Variants in UPP2 observed in about 807,000 individuals in gnomAD.
UPP2 encodes the protein uridine phosphorylase 2, also known as UPase 2.
In UPP2, 23 loss-of-function variants were observed where a neutral mutation model predicts 26.7. The ratio of observed to expected loss-of-function variants is 0.86; its 90% CI spans 0.62 to 1.22. The LOEUF (loss-of-function observed/expected upper bound fraction) is 1.22, where lower values mean the gene tolerates loss of function less well. UPP2 is among the 50% of genes most tolerant of loss of function. The probability of loss-of-function intolerance (pLI) is 0.00; values close to 1 mark genes in which losing one functional copy is unlikely to be tolerated. For synonymous variants in UPP2, 127 were observed against 141.3 expected (o/e 0.90, Z 0.72); for missense variants, 387 against 396.7 (o/e 0.98, Z 0.21).
At chr2:158,095,817 G>T (rs1180479893) in intron 3 of UPP2, among the ~76,000 whole-genome samples, 1 of 151,586 alleles carries the variant, frequency 6.6e-6, no homozygotes, top group Non-Finnish European at 1.5e-5. Flanking sequence ...TTATCCTTCA[G>T]ATTTCTATTC....
intron 3 of UPP2, among the ~76,000 whole-genome samples, chr2:158,031,425 A>T (rs1232956936): frequency 6.6e-6 from 1 of 152,198 alleles, no homozygotes; most frequent in African/African-American, 2.4e-5. Context: ...GGTTTTCTTC[A>T]TACATTTGAT....
chr2:158,065,585 A>G (rs950990976), intron 3 of UPP2: 2 of 557,116 alleles, frequency 3.6e-6, no homozygotes, highest in Admixed American at 4.4e-5. Flanking sequence ...GAAGTCACAT[A>G]CAAGAACATG....
At chr2:158,121,897 C>T (rs1397744250) in intron 5 of UPP2, among the ~76,000 whole-genome samples, 1 of 151,926 alleles carries the variant, frequency 6.6e-6, no homozygotes, top group Non-Finnish European at 1.5e-5. Context: ...TCTGTTTATG[C>T]CTTTAACTTA....
intron 3 of UPP2, among the ~76,000 whole-genome samples, chr2:158,079,347 T>C (rs1174600444): frequency 6.6e-6 from 1 of 152,108 alleles, no homozygotes; most frequent in African/African-American, 2.4e-5. Flanking sequence ...GATATCCAAA[T>C]TATAAGAATT....
chr2:158,111,365 C>T (rs931952253), intron 2 of UPP2, among the ~76,000 whole-genome samples: 5 of 152,040 alleles, frequency 3.3e-5, no homozygotes, highest in Admixed American at 2.0e-4. Flanking sequence ...TGGTAATTTT[C>T]TTTGCTCTGA....
intron 3 of UPP2, among the ~76,000 whole-genome samples, chr2:158,046,406 C>T (rs1684156276): frequency 6.6e-6 from 1 of 152,170 alleles, no homozygotes; most frequent in Non-Finnish European, 1.5e-5. Context: ...CTGGCTTGCT[C>T]ATTATTTATT....
chr2:158,062,083 A>G (rs911379385), intron 3 of UPP2, among the ~76,000 whole-genome samples: 16 of 152,340 alleles, frequency 1.1e-4, no homozygotes, highest in African/African-American at 3.6e-4. Context: ...AATAATTGTG[A>G]CAGAGACTTT....
rs902551731 is a variant in UPP2, at chr2:158,058,376, C to T, written c.147+42490C>T. On this transcript the variant is annotated intron_variant, in intron 3 of 9. Transcript: ENST00000605860. Reference sequence around the variant, plus strand: ...GAGCAAGGGAGCATGCTTGTATGCTCTCTCTCTCTCTCTCTCTCTCTCTCT... The same window carrying T: ...GAGCAAGGGAGCATGCTTGTATGCTTTCTCTCTCTCTCTCTCTCTCTCTCT... Among the ~76,000 whole-genome samples the T allele has an allele frequency of 5.2e-4, 15 of 28,808 alleles. No homozygotes were observed. The African/African-American group carries it at 6.6e-3, about 13-fold the overall frequency. 18.9% of individuals were successfully genotyped at this position (28,808 alleles called of 152,430 possible). A position where few individuals can be genotyped will look rare whatever the true frequency, so the allele number is the denominator to read the frequency against.
chr2:158,016,423 C>T (rs1683660885), intron 3 of UPP2, among the ~76,000 whole-genome samples: 1 of 151,992 alleles, frequency 6.6e-6, no homozygotes, highest in African/African-American at 2.4e-5. Flanking sequence ...TCACTGCAAC[C>T]TCCACCTCCT....
intron 1 of UPP2, among the ~76,000 whole-genome samples, chr2:158,105,162 C>T (rs781620948): frequency 1.2e-4 from 18 of 152,024 alleles, no homozygotes; most frequent in Non-Finnish European, 2.2e-4. Flanking sequence ...TCACTAACAA[C>T]TCTAGTGGCA....
At chr2:158,052,108 T>C (rs946242346) in intron 3 of UPP2, among the ~76,000 whole-genome samples, 1 of 152,182 alleles carries the variant, frequency 6.6e-6, no homozygotes, top group Non-Finnish European at 1.5e-5. Flanking sequence ...CCAAATATTA[T>C]GTGGGACATA....
At chr2:158,107,318 A>C (rs1683215950) in intron 2 of UPP2, among the ~76,000 whole-genome samples, 1 of 152,114 alleles carries the variant, frequency 6.6e-6, no homozygotes. Flanking sequence ...CTACTATCTC[A>C]CTAACATCTG....
chr2:158,102,119 AT>A lies in UPP2; in HGVS notation c.57del (p.Tyr19Ter). On this transcript the variant is annotated frameshift_variant, in exon 1 of 7. Transcript: ENST00000005756. LOFTEE classifies it high-confidence loss of function. ...NRSMRSDRNT[Y>X]VGKRFVHVKN... ...TCCATGAGATCTGACAGGAATACAT[AT>A]GTTGGGTGAGTAATTTTGATTTTGT... is the stretch of plus-strand genomic sequence containing the variant. 6.2e-7 allele frequency: 1 copy of A among 1,611,968 alleles called. No individual in the cohort carries two copies.
chr2:158,097,506 C>CCT (rs1164688520), upstream of UPP2, among the ~76,000 whole-genome samples: 8 of 152,200 alleles, frequency 5.3e-5, no homozygotes, highest in African/African-American at 1.9e-4. Flanking sequence ...CTTGTGGGTC[C>CCT]TGGAAAATAT....
intron 3 of UPP2, among the ~76,000 whole-genome samples, chr2:158,092,426 G>A (rs1682925556): frequency 6.6e-6 from 1 of 152,144 alleles, no homozygotes; most frequent in African/African-American, 2.4e-5. Flanking sequence ...GGTACCAGAA[G>A]ATAATGAATA....
At chr2:158,029,336 C>T (rs1487783877) in intron 3 of UPP2, among the ~76,000 whole-genome samples, 2 of 152,170 alleles carry the variant, frequency 1.3e-5, no homozygotes, top group African/African-American at 4.8e-5. Flanking sequence ...GAAGCAGATG[C>T]TGTGTTGACT....
chr2:158,044,071 T>C (rs772770106), intron 3 of UPP2, among the ~76,000 whole-genome samples: 8 of 152,168 alleles, frequency 5.3e-5, no homozygotes, highest in Non-Finnish European at 8.8e-5. Flanking sequence ...AGATGAGATA[T>C]AATTAAGCTC....
At chr2:158,072,329 A>G (rs1427495643) in intron 3 of UPP2, among the ~76,000 whole-genome samples, 1 of 152,168 alleles carries the variant, frequency 6.6e-6, no homozygotes. Flanking sequence ...AACATCAGGT[A>G]GATTTCTAGG....
At chr2:158,127,477 C>T (rs1290908478) in intron 6 of UPP2, among the ~76,000 whole-genome samples, 1 of 151,896 alleles carries the variant, frequency 6.6e-6, no homozygotes, top group East Asian at 1.9e-4. Context: ...AAAAAAGGGC[C>T]ACTAGACTCT....
Sources: gnomAD v4.1 joint callset for allele counts (sites outside exome capture counted in the v4.1 genomes callset) on GRCh38, gnomAD v4.1.1 for gene constraint, MANE v1.5 for transcripts, NCBI Gene and HGNC (gene_info 2026-07-23, HGNC 2026-07-21) for gene names.